RAB5A: variants seen among roughly 807,000 people sequenced by gnomAD.
RAB5A encodes the protein ras-related protein Rab-5A.
Under a neutral mutation model 25.7 loss-of-function variants are expected in RAB5A, and 8 were observed. That is an observed-to-expected ratio of 0.31 (90% CI 0.18 to 0.56). The LOEUF is 0.56. Ranked by LOEUF, RAB5A falls within the 20% of genes least tolerant of loss-of-function variation. The pLI is 0.91. For synonymous variants in RAB5A, 98 were observed against 89.8 expected, an observed-to-expected ratio of 1.09 and a Z score of -0.52; for missense variants, 192 against 259.7, an observed-to-expected ratio of 0.74 and a Z score of 1.79.
intron 2 of RAB5A, among the ~76,000 whole-genome samples, chr3:19,974,439 C>T (rs114282382): frequency 0.014 from 2,114 of 152,134 alleles, 23 homozygotes; most frequent in South Asian, 0.057. Context: ...AGGCATGAGC[C>T]ACCACGCCTG....
chr3:19,975,521 A>G (rs1416087143), intron 2 of RAB5A, 80 bp from the exon 3 acceptor site: 4 of 1,364,994 alleles, frequency 2.9e-6, no homozygotes, highest in Non-Finnish European at 4.0e-6. Context: ...ATTTTGATAG[A>G]TGTATACAAG....
intron 2 of RAB5A, among the ~76,000 whole-genome samples, chr3:19,969,049 T>G (rs1341567994): frequency 7.1e-6 from 1 of 141,322 alleles, no homozygotes; most frequent in Admixed American, 7.0e-5. Flanking sequence ...TTTTTGGTTT[T>G]TTTTTTTTTT....
At chr3:19,975,393 A>G in intron 2 of RAB5A, 1 of 446,670 alleles carries the variant, frequency 2.2e-6, no homozygotes, top group South Asian at 3.6e-5. Flanking sequence ...TAAAGCTATT[A>G]TCAGCTGTGG....
intron 1 of RAB5A, among the ~76,000 whole-genome samples, chr3:19,948,702 C>G (rs1367652963): frequency 6.6e-6 from 1 of 150,764 alleles, no homozygotes; most frequent in Non-Finnish European, 1.5e-5. Context: ...AATTAAGTAG[C>G]TTTAAACCTT....
intron 2 of RAB5A, chr3:19,970,471 G>A (rs1309166441): frequency 2.2e-6 from 1 of 446,206 alleles, no homozygotes; most frequent in Non-Finnish European, 4.5e-6. Context: ...ACGTAGCTCA[G>A]AGGGAGCCTA....
chr3:19,969,033 T>TTG (rs1238426242), intron 2 of RAB5A, among the ~76,000 whole-genome samples: 8 of 127,444 alleles, frequency 6.3e-5, no homozygotes, highest in Admixed American at 1.6e-4. Flanking sequence ...TGGTTTTGGT[T>TTG]TTTTTTTTTT....
At chr3:19,981,434 C>G (rs1259440554) in intron 5 of RAB5A, among the ~76,000 whole-genome samples, 1 of 151,850 alleles carries the variant, frequency 6.6e-6, no homozygotes, top group Non-Finnish European at 1.5e-5. Context: ...GCCAACATGT[C>G]GAAACCCCGT....
chr3:19,963,224 A>T (rs1696613128), intron 2 of RAB5A, among the ~76,000 whole-genome samples: 1 of 152,166 alleles, frequency 6.6e-6, no homozygotes, highest in Non-Finnish European at 1.5e-5. Flanking sequence ...ATTTCTCAGT[A>T]CATCTATATT....
At chr3:19,976,207 T>TCCTGGCTAACAAGGTGAAACCCCG in intron 4 of RAB5A, 38 bp downstream of exon 4, 1 of 1,581,658 alleles carries the variant, frequency 6.3e-7, no homozygotes, top group African/African-American at 1.4e-5. Context: ...AGGCACTTTT[T>TCCTGGCTAACAAGGTGAAACCCCG]TCCTGTATGT....
At chr3:19,967,315 TTG>T (rs1193504106) in intron 2 of RAB5A, among the ~76,000 whole-genome samples, 1 of 152,154 alleles carries the variant, frequency 6.6e-6, no homozygotes, top group African/African-American at 2.4e-5. Flanking sequence ...CAGCTGATTT[TTG>T]TGTTTTTAAT....
At chr3:19,965,781 T>A (rs1432625133) in intron 2 of RAB5A, among the ~76,000 whole-genome samples, 1 of 152,094 alleles carries the variant, frequency 6.6e-6, no homozygotes, top group East Asian at 1.9e-4. Context: ...GGGGACGGGA[T>A]GACAGGGTCT....
At chr3:19,975,379 T>C in intron 2 of RAB5A, 1 of 404,478 alleles carries the variant, frequency 2.5e-6, no homozygotes. Context: ...GGTTTGCCAG[T>C]ATTTAAAGCT....
chr3:19,949,202 G>T (rs192678093), intron 1 of RAB5A, among the ~76,000 whole-genome samples: 9 of 152,076 alleles, frequency 5.9e-5, no homozygotes, highest in Non-Finnish European at 1.2e-4. Context: ...CAGATATTAC[G>T]TCAATAAATC....
At chr3:19,959,504 A>G (rs1392478154) in intron 2 of RAB5A, among the ~76,000 whole-genome samples, 1 of 151,960 alleles carries the variant, frequency 6.6e-6, no homozygotes, top group African/African-American at 2.4e-5. Flanking sequence ...ATACATAGAA[A>G]GTGGTCTCAG....
chr3:19,969,029 TGGTTTTTTTTTTTTG>T (rs1696699602), intron 2 of RAB5A, among the ~76,000 whole-genome samples: 1 of 115,788 alleles, frequency 8.6e-6, no homozygotes. Context: ...TTTTTGGTTT[TGGTTTTTTTTTTTTG>T]GTTTTTTTTT....
Position 19,975,644 on chromosome 3 carries a change from A to G in RAB5A, c.207A>G (p.Val69=). The G allele has an allele frequency of 1.2e-6, 2 of 1,614,026 alleles. No individual in the cohort carries two copies. Among genetic ancestry groups the G allele is most frequent in the Middle Eastern group, 1.7e-4 (1 of 6,052 alleles). ...CTGTATGTCTTGATGACACTACAGT[A>G]AAGTTTGAAATATGGGATACAGCTG... ...TQTVCLDDTT[V]KFEIWDTAGQ... is the part of the protein sequence containing the mutation. The change falls in exon 3 of 6, where the codon GTA becomes GTG. Residue 69 remains valine (V), a synonymous_variant. Transcript: ENST00000273047.
Position 19,975,986 on chromosome 3 carries a change from C to G in RAB5A, c.316-61C>G. On this transcript the variant is annotated intron_variant, in intron 3 of 5. Coordinates refer to ENST00000273047, the MANE Select transcript of RAB5A (RefSeq NM_004162.5). ...GACAGTCTTTTAAAGCCTTGTATCA[C>G]AAAGATGCTTGGTAACCATTTTTTG... The G allele has an allele frequency of 1.9e-6, 3 of 1,567,566 alleles. No individual in the cohort carries two copies. In the Admixed American group the frequency reaches 5.9e-5, roughly 31 times the overall value.
At chr3:19,966,880 C>T (rs1343186230) in intron 2 of RAB5A, among the ~76,000 whole-genome samples, 1 of 152,156 alleles carries the variant, frequency 6.6e-6, no homozygotes, top group Non-Finnish European at 1.5e-5. Context: ...TCACAGCACA[C>T]TGCAGCCTGA....
At chr3:19,956,905 T>A (rs1442671202) in intron 2 of RAB5A, among the ~76,000 whole-genome samples, 3 of 152,032 alleles carry the variant, frequency 2.0e-5, no homozygotes, top group Admixed American at 2.0e-4. Flanking sequence ...AGCGTTTGAT[T>A]TAGAAAATTT....
Sources: gnomAD v4.1 joint callset for allele counts (sites outside exome capture counted in the v4.1 genomes callset) on GRCh38, gnomAD v4.1.1 for gene constraint, MANE v1.5 for transcripts, NCBI Gene and HGNC (gene_info 2026-07-23, HGNC 2026-07-21) for gene names.